Variants in KCNG3 observed in about 807,000 individuals in gnomAD.
KCNG3 encodes the protein potassium voltage-gated channel modifier subfamily G member 3.
In KCNG3, 15 loss-of-function variants were observed where a neutral mutation model predicts 29.0. That is an observed-to-expected ratio of 0.52 (90% CI 0.35 to 0.80). The LOEUF is 0.80. Ranked by LOEUF, KCNG3 falls within the 30% of genes least tolerant of loss-of-function variation. The pLI is 0.01. For missense variants in KCNG3, 512 were observed against 605.7 expected, an observed-to-expected ratio of 0.85 and a Z score of 1.62; for synonymous variants, 322 against 248.9, an observed-to-expected ratio of 1.29 and a Z score of -2.76.
chr2:42,431,320 T>TC, the KCNG3 span, among the ~76,000 whole-genome samples: 2 of 151,990 alleles, frequency 1.3e-5, no homozygotes, highest in South Asian at 2.1e-4. Flanking sequence ...CTTTTTTTTT[T>TC]CCCTGAGCAT....
chr2:42,492,756 C>T lies in KCNG3; in HGVS notation c.665+81G>A. ...GCTGGCTCGGTCGCCCGGAGGCGGA[C>T]AGGACGGAGACGGGACGTATGGACG... is the stretch of plus-strand genomic sequence containing the variant. On this transcript the variant is annotated intron_variant, in intron 1 of 1. Transcript: ENST00000306078. 2.3e-6 allele frequency: 3 copies of T among 1,279,114 alleles called. No homozygotes were observed. The Admixed American group carries it at 1.2e-4, about 50-fold the overall frequency. The allele number at this position is 1,279,114 out of a possible 1,614,324, so 79.2% of individuals were successfully genotyped here.
intron 1 of KCNG3, among the ~76,000 whole-genome samples, chr2:42,474,461 C>G (rs2374434): frequency 0.86 from 130,528 of 152,124 alleles, 55,978 homozygotes; most frequent in Middle Eastern, 0.95. Context: ...CCAGGAGGCG[C>G]AGGTTGCAGT....
chr2:42,420,229 C>G, the KCNG3 span, among the ~76,000 whole-genome samples: 16 of 151,812 alleles, frequency 1.1e-4, no homozygotes, highest in South Asian at 3.3e-3. Flanking sequence ...GAAACTCCGT[C>G]TCAAAAAATA....
intron 1 of KCNG3, among the ~76,000 whole-genome samples, chr2:42,455,067 T>C (rs979129131): frequency 3.3e-5 from 5 of 152,222 alleles, no homozygotes; most frequent in African/African-American, 9.6e-5. Context: ...TACTACAATT[T>C]TAAAGAGCAA....
chr2:42,468,899 A>T (rs1305044661), intron 1 of KCNG3, among the ~76,000 whole-genome samples: 1 of 128,910 alleles, frequency 7.8e-6, no homozygotes, highest in Non-Finnish European at 1.6e-5. Context: ...GGTTTCAGTG[A>T]GTCGAGATCA....
the KCNG3 span, among the ~76,000 whole-genome samples, chr2:42,434,150 CA>C: frequency 6.6e-6 from 1 of 152,028 alleles, no homozygotes; most frequent in Non-Finnish European, 1.5e-5. Context: ...ACCTAAAATT[CA>C]TATAGTAATA....
At chr2:42,446,642 T>G (rs763987642) in intron 1 of KCNG3, among the ~76,000 whole-genome samples, 1 of 152,130 alleles carries the variant, frequency 6.6e-6, no homozygotes, top group Non-Finnish European at 1.5e-5. Flanking sequence ...GGCAACATTT[T>G]GAAAAGAATT....
chr2:42,441,534 C>T (rs559698947), downstream of KCNG3, among the ~76,000 whole-genome samples: 3 of 152,086 alleles, frequency 2.0e-5, no homozygotes, highest in South Asian at 4.1e-4. Flanking sequence ...TACTCTATCA[C>T]GTCTCATCGT....
In KCNG3 at chr2:42,444,384, G is replaced by A; in HGVS notation, c.861C>T (p.Thr287=). The stretch of plus-strand genomic sequence containing the variant: ...TCCTCATCATTCTAAGTACCCTCAA[G>A]GTGACTCCAGCCCTCTGGAGTTGAG... The part of the protein sequence containing the change: ...ENSQLQRAGV[T]LRVLRMMRIF... Residue 287 remains threonine (T), a synonymous_variant, in exon 2 of 2, where the codon ACC becomes ACT. Transcript: ENST00000306078. This position sits in a 1 kb window ranked among gnomAD's most constrained non-coding sequence, Gnocchi z 5.8. The A allele has an allele frequency of 6.2e-7, 1 of 1,614,082 alleles. No homozygotes were observed. Among genetic ancestry groups the A allele is most frequent in the South Asian group, 1.1e-5 (1 of 91,074 alleles).
intron 1 of KCNG3, among the ~76,000 whole-genome samples, chr2:42,473,715 T>C (rs532034007): frequency 1.3e-5 from 2 of 152,134 alleles, no homozygotes; most frequent in African/African-American, 4.8e-5. Flanking sequence ...TTGATAGATG[T>C]AGTCAAGAAA....
At chr2:42,481,663 C>CT (rs2103729695) in intron 1 of KCNG3, among the ~76,000 whole-genome samples, 1 of 152,296 alleles carries the variant, frequency 6.6e-6, no homozygotes, top group South Asian at 2.1e-4. Context: ...TACACGTCCC[C>CT]TGCCTTCCCC....
At chr2:42,390,382 C>G in the KCNG3 span, among the ~76,000 whole-genome samples, 1 of 152,200 alleles carries the variant, frequency 6.6e-6, no homozygotes, top group Non-Finnish European at 1.5e-5. Context: ...ATGATCTATT[C>G]TGAGCCATCC....
At chr2:42,390,341 A>C in the KCNG3 span, among the ~76,000 whole-genome samples, 1 of 152,234 alleles carries the variant, frequency 6.6e-6, no homozygotes, top group African/African-American at 2.4e-5. Flanking sequence ...CTCTGGATTC[A>C]TTTATGAATG....
rs753833938 is a variant in KCNG3, at chr2:42,443,983, A to T, written c.1262T>A (p.Phe421Tyr). 7 of 1,614,140 alleles carry T rather than the reference A, an allele frequency of 4.3e-6. No homozygotes were observed. In the Admixed American group the frequency reaches 8.3e-5, roughly 19 times the overall value. ...GCTCCTACTATACCTAGCAGATCTA[A>T]ACTTGAGCTCATGATAACACTGCAC... is the stretch of plus-strand genomic sequence containing the variant. ...SFVQCYHELK[F>Y]RSARYSRSLS... The change falls in exon 2 of 2, where the codon TTT becomes TAT. Residue 421 changes from phenylalanine (F) to tyrosine (Y), a missense_variant. By Grantham distance (22) the Phe-to-Tyr change is conservative (BLOSUM62 3). Transcript: ENST00000306078.
intron 1 of KCNG3, among the ~76,000 whole-genome samples, chr2:42,475,573 G>C (rs906960526): frequency 7.3e-5 from 11 of 150,122 alleles, no homozygotes; most frequent in Middle Eastern, 3.5e-3. Flanking sequence ...CAACTGATCT[G>C]CCCACCTCAG....
chr2:42,489,318 A>T (rs371024583), intron 1 of KCNG3, among the ~76,000 whole-genome samples: 16 of 152,230 alleles, frequency 1.1e-4, no homozygotes, highest in Admixed American at 3.3e-4. Flanking sequence ...TGACTCCAGG[A>T]GTTCCAGGCT....
chr2:42,484,891 G>C (rs752327006), intron 1 of KCNG3, among the ~76,000 whole-genome samples: 18 of 152,268 alleles, frequency 1.2e-4, no homozygotes, highest in East Asian at 3.9e-4. Flanking sequence ...TGAGGTTCTG[G>C]GTTATGTACA....
At chr2:42,456,254 G>A (rs1407792301) in intron 1 of KCNG3, among the ~76,000 whole-genome samples, 1 of 152,092 alleles carries the variant, frequency 6.6e-6, no homozygotes, top group Non-Finnish European at 1.5e-5. Context: ...AGGTGCAGTG[G>A]CTCACACCTG....
At chr2:42,446,265 C>A (rs1329158353) in intron 1 of KCNG3, among the ~76,000 whole-genome samples, 8 of 151,932 alleles carry the variant, frequency 5.3e-5, no homozygotes, top group Non-Finnish European at 8.8e-5. Context: ...CAACCTCTGC[C>A]GCCTGGGTTC....
Sources: allele counts gnomAD v4.1 joint callset (sites outside exome capture counted in the v4.1 genomes callset), GRCh38; gene constraint gnomAD v4.1.1; non-coding constraint Gnocchi (gnomAD v3.1); transcripts MANE v1.5; gene names NCBI Gene and HGNC (gene_info 2026-07-23, HGNC 2026-07-21).